Variants in DOCK1 observed in about 807,000 individuals in gnomAD.
DOCK1 encodes the protein dedicator of cytokinesis 1.
A neutral mutation model predicts 262.7 loss-of-function variants in DOCK1; 138 were observed. The ratio of observed to expected loss-of-function variants is 0.53; its 90% confidence interval spans 0.46 to 0.61. The LOEUF is 0.61. Among genes scored for constraint, DOCK1 ranks in the 20% least tolerant of loss-of-function variants. The probability of loss-of-function intolerance (pLI) is 0.00; values close to 1 mark genes in which losing one functional copy is unlikely to be tolerated. For missense variants in DOCK1, 1,908 were observed against 2,370.7 expected, an observed-to-expected ratio of 0.80 and a Z score of 4.05; for synonymous variants, 866 against 867.4, an observed-to-expected ratio of 1.00 and a Z score of 0.03.
intron 29 of DOCK1, among the ~76,000 whole-genome samples, chr10:127,316,008 C>G (rs2062261433): frequency 6.6e-6 from 1 of 151,324 alleles, no homozygotes; most frequent in Non-Finnish European, 1.5e-5. Context: ...TGGGGACAGG[C>G]TTTTGAATCC....
intron 27 of DOCK1, among the ~76,000 whole-genome samples, chr10:127,230,420 T>G (rs945104452): frequency 6.6e-6 from 1 of 152,214 alleles, no homozygotes; most frequent in South Asian, 2.1e-4. Context: ...AGGTTTTTAA[T>G]ACATTTTGAG....
chr10:127,186,519 C>CCCG (rs2056274619), intron 27 of DOCK1, among the ~76,000 whole-genome samples: 1 of 77,820 alleles, frequency 1.3e-5, no homozygotes, highest in African/African-American at 4.2e-5. Context: ...CCCCCCGCCC[C>CCCG]CCCCCGATCC....
chr10:126,923,750 A>G (rs150634046), intron 1 of DOCK1, among the ~76,000 whole-genome samples: 1 of 152,310 alleles, frequency 6.6e-6, no homozygotes, highest in East Asian at 1.9e-4. Flanking sequence ...CCCACTTCAT[A>G]CACAGAAACC....
At chr10:126,961,156 T>A (rs2037186947) in intron 1 of DOCK1, among the ~76,000 whole-genome samples, 1 of 152,126 alleles carries the variant, frequency 6.6e-6, no homozygotes, top group Admixed American at 6.5e-5. Flanking sequence ...GATGACTCCT[T>A]GATTCTGTTA....
chr10:126,938,113 C>A (rs1389565640), intron 1 of DOCK1, among the ~76,000 whole-genome samples: 1 of 151,104 alleles, frequency 6.6e-6, no homozygotes, highest in Non-Finnish European at 1.5e-5. Context: ...ATGGCACGAT[C>A]TCAGCTCACC....
intron 33 of DOCK1, among the ~76,000 whole-genome samples, chr10:127,367,343 C>T (rs1468711209): frequency 6.6e-6 from 1 of 152,092 alleles, no homozygotes; most frequent in African/African-American, 2.4e-5. Context: ...CTCAGCCTTG[C>T]CCTTATCCTG....
chr10:126,948,039 T>TTGG (rs1342908785), intron 1 of DOCK1, among the ~76,000 whole-genome samples: 6 of 137,270 alleles, frequency 4.4e-5, no homozygotes, highest in South Asian at 2.5e-4. Context: ...AGTATTACTG[T>TTGG]TGGTGGTGAT....
chr10:126,971,670 A>T (rs1310169186), intron 2 of DOCK1, among the ~76,000 whole-genome samples: 1 of 152,136 alleles, frequency 6.6e-6, no homozygotes, highest in East Asian at 1.9e-4. Context: ...TGCCTGCCTC[A>T]GCCTCTCAGA....
At chr10:127,036,581 A>AT (rs369912626) in intron 18 of DOCK1, among the ~76,000 whole-genome samples, 7 of 151,910 alleles carry the variant, frequency 4.6e-5, no homozygotes, top group African/African-American at 1.7e-4. Flanking sequence ...TGTTAATGGT[A>AT]TTTTTTCGAG....
intron 1 of DOCK1, among the ~76,000 whole-genome samples, chr10:126,909,842 A>G (rs1251967818): frequency 6.6e-6 from 1 of 152,240 alleles, no homozygotes; most frequent in Non-Finnish European, 1.5e-5. Flanking sequence ...AAAGTTTAGA[A>G]ACATAGTGAC....
intron 22 of DOCK1, among the ~76,000 whole-genome samples, chr10:127,056,197 G>C (rs1235338557): frequency 1.3e-5 from 2 of 150,616 alleles, no homozygotes; most frequent in Non-Finnish European, 3.0e-5. Flanking sequence ...TGCTGCTCCT[G>C]ATCATGATGA....
chr10:126,995,565 G>A lies in DOCK1; in HGVS notation c.474-1183G>A, dbSNP rs2040129859. On this transcript the variant is annotated intron_variant, in intron 6 of 51. Coordinates refer to ENST00000623213, the MANE Select transcript of DOCK1 (RefSeq NM_001290223.2). The surrounding 1 kb of genome is among the most constrained non-coding windows in gnomAD (Gnocchi z 5.8). ...TGAGGCAGGAGAATCAGGCAGGGAG[G>A]CTGCAGTGAGCCGAGATGGCGGCAG... 6.6e-6 allele frequency among the ~76,000 whole-genome samples: 1 copy of A among 152,234 alleles called. No homozygotes were observed. The highest frequency in any genetic ancestry group is 6.5e-5 in the Admixed American group (1 of 15,282).
chr10:127,328,717 T>G (rs1252080658), intron 29 of DOCK1, among the ~76,000 whole-genome samples: 1 of 152,160 alleles, frequency 6.6e-6, no homozygotes, highest in African/African-American at 2.4e-5. Flanking sequence ...TTATGCTTGT[T>G]TATTAATGCC....
chr10:126,963,645 TC>T lies in DOCK1; in HGVS notation c.47-7055del, dbSNP rs1158120716. Among the ~76,000 whole-genome samples, 34 of 65,762 alleles carry T rather than the reference TC, an allele frequency of 5.2e-4. 1 individual carries two copies. Among genetic ancestry groups the T allele is most frequent in the Non-Finnish European group, 6.8e-4 (24 of 35,058 alleles). 43.1% of individuals were successfully genotyped at this position (65,762 alleles called of 152,430 possible). A position where few individuals can be genotyped will look rare whatever the true frequency, so the allele number is the denominator to read the frequency against. On this transcript the variant is annotated intron_variant, in intron 1 of 51. Transcript: ENST00000623213. Reference sequence around the variant, plus strand: ...CTTCCCTTCCCTTCCCTTCCCTCCTTCCTTCCTTCCTTCCTTCCTTCCTTCC... The same window carrying T: ...CTTCCCTTCCCTTCCCTTCCCTCCTTCTTCCTTCCTTCCTTCCTTCCTTCC...
At chr10:127,202,703 G>T (rs2057527821) in intron 27 of DOCK1, among the ~76,000 whole-genome samples, 1 of 152,208 alleles carries the variant, frequency 6.6e-6, no homozygotes, top group Non-Finnish European at 1.5e-5. Flanking sequence ...CTCCAGGGTG[G>T]CAGGTACTCG....
chr10:127,044,231 A>C (rs565708169), intron 21 of DOCK1, among the ~76,000 whole-genome samples: 169 of 152,274 alleles, frequency 1.1e-3, no homozygotes, highest in Non-Finnish European at 2.0e-3. Flanking sequence ...TCATGAACTC[A>C]GGTCAGAGGA....
intron 1 of DOCK1, among the ~76,000 whole-genome samples, chr10:126,944,769 C>T (rs1009569816): frequency 6.6e-6 from 1 of 152,050 alleles, no homozygotes; most frequent in Admixed American, 6.5e-5. Flanking sequence ...CAAGAGAGCT[C>T]TCAGTAAGAA....
chr10:127,373,673 A>G lies in DOCK1; in HGVS notation c.3433-108A>G. On this transcript the variant is annotated intron_variant, in intron 33 of 51. Transcript: ENST00000623213. ...AAATGAGGCTTCAAAGGCAGAGGGT[A>G]GCCATCTATGATGATCTCTCTTGCC... is the stretch of plus-strand genomic sequence containing the variant. 3.1e-6 allele frequency: 3 copies of G among 982,478 alleles called. No homozygotes were observed. In the South Asian group the frequency reaches 4.5e-5, roughly 15 times the overall value. The allele number at this position is 982,478 out of a possible 1,614,324, so 60.9% of individuals were successfully genotyped here. A position where few individuals can be genotyped will look rare whatever the true frequency, so the allele number is the denominator to read the frequency against.
intron 29 of DOCK1, among the ~76,000 whole-genome samples, chr10:127,306,611 G>A (rs1412125266): frequency 6.6e-6 from 1 of 152,048 alleles, no homozygotes; most frequent in East Asian, 1.9e-4. Context: ...TTCACACAGG[G>A]GTTTATCCCC....
Sources: allele counts gnomAD v4.1 joint callset (sites outside exome capture counted in the v4.1 genomes callset), GRCh38; gene constraint gnomAD v4.1.1; non-coding constraint Gnocchi (gnomAD v3.1); transcripts MANE v1.5; gene names NCBI Gene and HGNC (gene_info 2026-07-23, HGNC 2026-07-21).